Variants in CDH15 observed in about 807,000 individuals in gnomAD.
The protein encoded by CDH15 is cadherin 15.
CDH15 carries 73 observed loss-of-function variants against 69.4 expected under a neutral mutation model. That is an observed-to-expected ratio of 1.05 (90% CI 0.87 to 1.28). The LOEUF (loss-of-function observed/expected upper bound fraction) is 1.28, where lower values mean the gene tolerates loss of function less well. CDH15 is among the 50% of genes most tolerant of loss of function. The pLI is 0.00. For synonymous variants in CDH15, 624 were observed against 507.7 expected, an observed-to-expected ratio of 1.23 and a Z score of -3.08; for missense variants, 1,343 against 1,133.6, an observed-to-expected ratio of 1.18 and a Z score of -2.65.
Position 89,179,432 on chromosome 16 carries a change from TG to T in CDH15, c.64del (p.Val22PhefsTer19). 1 of 1,613,596 alleles carries T rather than the reference TG, an allele frequency of 6.2e-7. No individual in the cohort carries two copies. Among genetic ancestry groups the T allele is most frequent in the Non-Finnish European group, 8.5e-7 (1 of 1,179,894 alleles). ...TTGTTGCAGAGCCTCTGCCTGTCTT[TG>T]GGGGTTCCTGGATGGAGGAGGCCCA... ...GLLAQSLCLS[L>X]GVPGWRRPTT... is the part of the protein sequence containing the mutation. On this transcript the variant is annotated frameshift_variant, in exon 2 of 14. Transcript: ENST00000289746. LOFTEE classifies it high-confidence loss of function.
intron 1 of CDH15, among the ~76,000 whole-genome samples, chr16:89,177,369 G>C (rs1380948794): frequency 6.6e-6 from 1 of 152,200 alleles, no homozygotes; most frequent in East Asian, 1.9e-4. Flanking sequence ...ACTTTTGCCA[G>C]GCACATTTCA....
intron 9 of CDH15, 33 bp downstream of exon 9, chr16:89,191,505 C>G (rs755283538): frequency 5.0e-6 from 8 of 1,609,360 alleles, no homozygotes; most frequent in Non-Finnish European, 6.8e-6. Flanking sequence ...GGCTCCCTGA[C>G]CTGGCCTTGT....
intron 1 of CDH15, among the ~76,000 whole-genome samples, chr16:89,172,891 T>C (rs546564993): frequency 1.2e-4 from 19 of 152,258 alleles, no homozygotes; most frequent in African/African-American, 3.9e-4. Flanking sequence ...TCATTGCTCT[T>C]GTGGTCCTGG....
chr16:89,185,813 C>G (rs1157126032), intron 5 of CDH15: 2 of 258,456 alleles, frequency 7.7e-6, no homozygotes, highest in East Asian at 2.1e-4. Flanking sequence ...GGGACCCAAG[C>G]TCACTGGTGT....
intron 1 of CDH15, among the ~76,000 whole-genome samples, chr16:89,175,728 G>A (rs1017870096): frequency 4.6e-5 from 7 of 152,142 alleles, no homozygotes; most frequent in Admixed American, 2.0e-4. Context: ...GGCAGGCTCC[G>A]AGGCCAGGGC....
intron 3 of CDH15, chr16:89,183,010 A>C (rs1040805814): frequency 1.9e-5 from 3 of 155,830 alleles, no homozygotes; most frequent in African/African-American, 7.2e-5. Flanking sequence ...ATGAAACCTC[A>C]TTTCTACTAA....
chr16:89,174,859 C>G (rs548002048), intron 1 of CDH15, among the ~76,000 whole-genome samples: 13 of 152,294 alleles, frequency 8.5e-5, no homozygotes, highest in African/African-American at 2.9e-4. Context: ...ACCCCAGGTG[C>G]AGGGCTGTGG....
chr16:89,188,096 C>G lies in CDH15; in HGVS notation c.793-4C>G, dbSNP rs754781217. 3.7e-6 allele frequency: 6 copies of G among 1,608,780 alleles called. No individual in the cohort carries two copies. The Admixed American group carries it at 6.7e-5, about 18-fold the overall frequency. On this transcript the variant is annotated splice_polypyrimidine_tract_variant and splice_region_variant and intron_variant, in intron 6 of 13. Transcript: ENST00000289746. ...GGTAACTGGGGCTGGGATCCCCCAC[C>G]CAGTTCTTCATGGAGGCCATAGAGG... is the stretch of plus-strand genomic sequence containing the variant.
At chr16:89,192,074 C>T in intron 10 of CDH15, 131 bp from the exon 11 acceptor site, 2 of 1,297,596 alleles carry the variant, frequency 1.5e-6, no homozygotes, top group South Asian at 2.9e-5. Flanking sequence ...TCATTGTGCC[C>T]AGAGGACGGT....
At position 89,180,197 on chromosome 16, in the gene CDH15, C is replaced by A. The variant is rs777803652; in HGVS notation, c.202-3C>A. 4.3e-6 allele frequency: 7 copies of A among 1,610,720 alleles called. No homozygotes were observed. Among genetic ancestry groups the A allele is most frequent in the Non-Finnish European group, 5.9e-6 (7 of 1,179,246 alleles). Reference sequence around the variant, plus strand: ...CTCCCCAAACCCATTTCCTGCCCCACAGATCAAGTCGGACAAGCAGCAGCT... The same window carrying A: ...CTCCCCAAACCCATTTCCTGCCCCAAAGATCAAGTCGGACAAGCAGCAGCT... On this transcript the variant is annotated splice_region_variant and splice_polypyrimidine_tract_variant and intron_variant, in intron 2 of 13. Transcript: ENST00000289746.
At chr16:89,180,824 C>T (rs1183770525) in intron 3 of CDH15, among the ~76,000 whole-genome samples, 2 of 149,996 alleles carry the variant, frequency 1.3e-5, no homozygotes, top group South Asian at 2.1e-4. Context: ...CCCGGGTTCA[C>T]GCCATTCTCC....
At chr16:89,194,619 C>T (rs1915752232) in intron 13 of CDH15, among the ~76,000 whole-genome samples, 1 of 152,134 alleles carries the variant, frequency 6.6e-6, no homozygotes, top group African/African-American at 2.4e-5. Context: ...GGGCAGAGCC[C>T]CGGGGGACGG....
chr16:89,175,149 G>A (rs1463652900), intron 1 of CDH15, among the ~76,000 whole-genome samples: 1 of 152,176 alleles, frequency 6.6e-6, no homozygotes, highest in Non-Finnish European at 1.5e-5. Flanking sequence ...CTGGGCCCAG[G>A]ACTCCCAGCC....
At chr16:89,192,096 G>T in intron 10 of CDH15, 109 bp from the exon 11 acceptor site, 1 of 1,376,278 alleles carries the variant, frequency 7.3e-7, no homozygotes, top group Non-Finnish European at 9.6e-7. Flanking sequence ...GGGGTGGGGG[G>T]GACCCAGGCC....
At chr16:89,172,826 C>A (rs982594685) in intron 1 of CDH15, among the ~76,000 whole-genome samples, 1 of 152,210 alleles carries the variant, frequency 6.6e-6, no homozygotes, top group Admixed American at 6.5e-5. Flanking sequence ...GGCAGCCTCT[C>A]TCTGGCCAAT....
In CDH15 at chr16:89,179,503, C is replaced by T. The variant is rs376583874; in HGVS notation, c.130C>T (p.Arg44Trp). 2.0e-4 allele frequency: 323 copies of T among 1,613,164 alleles called. 1 individual carries two copies. The highest frequency in any genetic ancestry group is 5.0e-5 in the Admixed American group (3 of 59,980). The change falls in exon 2 of 14, where the codon CGG becomes TGG. Residue 44 changes from arginine (R) to tryptophan (W), a missense_variant. Arg to Trp is a moderately radical substitution (Grantham distance 101). Transcript: ENST00000289746. ...WRRAPALSRV[R>W]RAWVIPPISV... ...CCGGGCGCCTGCCCTGAGCCGCGTG[C>T]GGAGGGCCTGGGTCATCCCCCCGAT...
At chr16:89,172,461 G>C (rs542803958) in intron 1 of CDH15, among the ~76,000 whole-genome samples, 1 of 152,146 alleles carries the variant, frequency 6.6e-6, no homozygotes, top group Non-Finnish European at 1.5e-5. Flanking sequence ...GCAGAGTGGC[G>C]TGTGGCAGCC....
intron 5 of CDH15, 91 bp downstream of exon 5, chr16:89,185,424 C>A (rs2287355): frequency 2.2e-6 from 3 of 1,391,596 alleles, no homozygotes; most frequent in Non-Finnish European, 2.0e-6. Context: ...CCACCCCAGA[C>A]GCTCCTGTCC....
At chr16:89,192,141 A>T (rs1936432001) in intron 10 of CDH15, 64 bp from the exon 11 acceptor site, 1 of 1,471,970 alleles carries the variant, frequency 6.8e-7, no homozygotes, top group Non-Finnish European at 9.0e-7. Flanking sequence ...TCTCGGCGCG[A>T]GGAGGGCAGG....
Sources: allele counts gnomAD v4.1 joint callset (sites outside exome capture counted in the v4.1 genomes callset), GRCh38; gene constraint gnomAD v4.1.1; transcripts MANE v1.5; gene names NCBI Gene and HGNC (gene_info 2026-07-23, HGNC 2026-07-21).